OSBPL5: variants seen among roughly 807,000 people sequenced by gnomAD.
OSBPL5 encodes the protein oxysterol binding protein like 5.
Under a neutral mutation model 111.2 loss-of-function variants are expected in OSBPL5, and 71 were observed. The observed-to-expected ratio is 0.64, with a 90% CI of 0.53 to 0.78. The LOEUF is 0.78. OSBPL5 is among the 30% of genes least tolerant of loss of function. The probability of loss-of-function intolerance (pLI) is 0.00; values close to 1 mark genes in which losing one functional copy is unlikely to be tolerated. For missense variants in OSBPL5, 1,210 were observed against 1,189.3 expected, an observed-to-expected ratio of 1.02 and a Z score of -0.26; for synonymous variants, 549 against 513.9, an observed-to-expected ratio of 1.07 and a Z score of -0.93.
intron 4 of OSBPL5, 79 bp downstream of exon 4, chr11:3,122,269 G>C (rs1463733387): frequency 3.4e-6 from 5 of 1,472,966 alleles, no homozygotes; most frequent in Non-Finnish European, 4.7e-6. Context: ...TTTGACAGGT[G>C]GGGAGGGTGA....
At position 3,092,830 on chromosome 11, in the gene OSBPL5, C is replaced by A; in HGVS notation, c.2132+37G>T. 6.7e-7 allele frequency: 1 copy of A among 1,498,750 alleles called. No homozygotes were observed. The highest frequency in any genetic ancestry group is 9.0e-7 in the Non-Finnish European group (1 of 1,115,242). The allele number at this position is 1,498,750 out of a possible 1,614,324, so 92.8% of individuals were successfully genotyped here. Reference sequence around the variant, plus strand: ...TCTCAGCCCGTCTGCTAGGCCCAGCCCCACCCTGTGGCCCCCAGGGCTTTG... The same window carrying A: ...TCTCAGCCCGTCTGCTAGGCCCAGCACCACCCTGTGGCCCCCAGGGCTTTG... On this transcript the variant is annotated intron_variant, in intron 18 of 21. Transcript: ENST00000263650. This position sits in a 1 kb window ranked among gnomAD's most constrained non-coding sequence, Gnocchi z 5.4.
At position 3,121,734 on chromosome 11, in the gene OSBPL5, T is replaced by A; in HGVS notation, c.402+263A>T. ...GGCCCCACCTTATTCGGAAATGGGG[T>A]CTTTGCAGACATAATCAGGTGAAGA... On this transcript the variant is annotated intron_variant, in intron 5 of 21. Transcript: ENST00000263650. This position sits in a 1 kb window ranked among gnomAD's most constrained non-coding sequence, Gnocchi z 4.3. The A allele has an allele frequency of 4.1e-6, 2 of 483,212 alleles. No individual in the cohort carries two copies. Among genetic ancestry groups the A allele is most frequent in the Non-Finnish European group, 3.7e-6 (1 of 269,678 alleles). The allele number at this position is 483,212 out of a possible 1,614,324, so 29.9% of individuals were successfully genotyped here. A position where few individuals can be genotyped will look rare whatever the true frequency, so the allele number is the denominator to read the frequency against.
rs1437004419 is a variant in OSBPL5 at position 3,142,841 on chromosome 11, C to G, written c.-21-13672G>C. Among the ~76,000 whole-genome samples, 1 of 151,936 alleles carries G rather than the reference C, an allele frequency of 6.6e-6. No individual in the cohort carries two copies. The highest frequency in any genetic ancestry group is 1.5e-5 in the Non-Finnish European group (1 of 67,990). ...GTAGAAGGGCAGTGACTGCCCACTC[C>G]TTGCACACAAGGAAACAGTGAGACC... is the stretch of plus-strand genomic sequence containing the variant. On this transcript the variant is annotated intron_variant, in intron 1 of 21. Coordinates refer to ENST00000263650, the MANE Select transcript of OSBPL5 (RefSeq NM_020896.4). The surrounding 1 kb of genome is among the most constrained non-coding windows in gnomAD (Gnocchi z 7.1).
At chr11:3,138,129 G>A (rs1447808250) in intron 1 of OSBPL5, among the ~76,000 whole-genome samples, 6 of 152,168 alleles carry the variant, frequency 3.9e-5, no homozygotes, top group Admixed American at 3.9e-4. Context: ...AGGCCAGCCC[G>A]TCCCCGGCCC....
chr11:3,107,844 G>A lies in OSBPL5; in HGVS notation c.793C>T (p.Pro265Ser), dbSNP rs747536667. The A allele has an allele frequency of 9.9e-6, 16 of 1,611,492 alleles. No individual in the cohort carries two copies. The highest frequency in any genetic ancestry group is 1.4e-5 in the Non-Finnish European group (16 of 1,179,954). ...PGRDGEPGTS[P>S]DASPSSLCGL... ...CAGAGCGATGAGGGTGATGCGTCTG[G>A]CGAGGTCCCTGGCTCCCCGTCTCGG... The change falls in exon 8 of 22, where the codon CCA (proline) becomes TCA (serine). Residue 265 changes from proline (P) to serine (S), a missense_variant. By Grantham distance (74) the Pro-to-Ser change is moderately conservative. Coordinates refer to ENST00000263650, the MANE Select transcript of OSBPL5 (RefSeq NM_020896.4). This position sits in a 1 kb window ranked among gnomAD's most constrained non-coding sequence, Gnocchi z 6.1.
Position 3,107,635 on chromosome 11 carries a change from A to G in OSBPL5, c.866+136T>C, listed in dbSNP as rs1374382076. 14 of 1,382,146 alleles carry G rather than the reference A, an allele frequency of 1.0e-5. No individual in the cohort carries two copies. The highest frequency in any genetic ancestry group is 1.9e-5 in the Admixed American group (1 of 52,146). The allele number at this position is 1,382,146 out of a possible 1,614,324, so 85.6% of individuals were successfully genotyped here. Reference sequence around the variant, plus strand: ...AGGAAGGAACCGAGGCTCCCAGGGCACACTGCAGCGAACAAGTCCCTGCGT... The same window carrying G: ...AGGAAGGAACCGAGGCTCCCAGGGCGCACTGCAGCGAACAAGTCCCTGCGT... On this transcript the variant is annotated intron_variant, in intron 8 of 21. Coordinates refer to ENST00000263650, the MANE Select transcript of OSBPL5 (RefSeq NM_020896.4). The surrounding 1 kb of genome is among the most constrained non-coding windows in gnomAD (Gnocchi z 6.1).
chr11:3,109,291 G>C lies in OSBPL5; in HGVS notation c.692-1346C>G, dbSNP rs544387359. 1.1e-4 allele frequency among the ~76,000 whole-genome samples: 16 copies of C among 151,890 alleles called. No individual in the cohort carries two copies. In the South Asian group the frequency reaches 2.9e-3, roughly 28 times the overall value. ...GATGGGGTTTCACCATGTTGGCCAGGCTGGTCTCAACCTCTGGGCCTCAAG... is the reference window on the plus strand; with the variant it reads ...GATGGGGTTTCACCATGTTGGCCAGCCTGGTCTCAACCTCTGGGCCTCAAG... On this transcript the variant is annotated intron_variant, in intron 7 of 21. Coordinates refer to ENST00000263650, the MANE Select transcript of OSBPL5 (RefSeq NM_020896.4). The surrounding 1 kb of genome is among the most constrained non-coding windows in gnomAD (Gnocchi z 7.4).
rs1393109677 is a variant in OSBPL5, at chr11:3,093,563, A to G, written c.1910T>C (p.Val637Ala). Residue 637 changes from valine to alanine, a missense_variant, in exon 17 of 22, where the codon GTG becomes GCG. Physicochemically the swap from Val to Ala is moderately conservative, Grantham distance 64. Transcript: ENST00000263650. ...VRRQRLRQHT[V>A]PLEEQTELES... ...CAGCTCCGTCTGCTCCTCCAGCGGC[A>G]CCGTGTGCTGCCTCAGCCTCTGTCT... is the stretch of plus-strand genomic sequence containing the variant. 6.2e-7 allele frequency: 1 copy of G among 1,611,614 alleles called. No individual in the cohort carries two copies. The highest frequency in any genetic ancestry group is 8.5e-7 in the Non-Finnish European group (1 of 1,179,932).
Position 3,123,108 on chromosome 11 carries a change from G to A in OSBPL5, c.220-680C>T, listed in dbSNP as rs141174179. Among the ~76,000 whole-genome samples, 161 of 152,270 alleles carry A rather than the reference G, an allele frequency of 1.1e-3. 3 individuals are homozygous for A. Among genetic ancestry groups the A allele is most frequent in the East Asian group, 0.01 (53 of 5,174 alleles). On this transcript the variant is annotated intron_variant, in intron 3 of 21. Coordinates refer to ENST00000263650, the MANE Select transcript of OSBPL5 (RefSeq NM_020896.4). Reference sequence around the variant, plus strand: ...TGGGCAGAGGTCACTGTCCAGGTCCGAACCTGACCCCAGCATGTGGCTGAC... The same window carrying A: ...TGGGCAGAGGTCACTGTCCAGGTCCAAACCTGACCCCAGCATGTGGCTGAC...
rs1455903902 is a variant in OSBPL5 at position 3,090,035 on chromosome 11, G to A, written c.2399-87C>T. 2.8e-6 allele frequency: 3 copies of A among 1,068,652 alleles called. No individual in the cohort carries two copies. In the African/African-American group the frequency reaches 4.8e-5, roughly 17 times the overall value. The allele number at this position is 1,068,652 out of a possible 1,614,324, so 66.2% of individuals were successfully genotyped here. A position where few individuals can be genotyped will look rare whatever the true frequency, so the allele number is the denominator to read the frequency against. On this transcript the variant is annotated intron_variant, in intron 20 of 21. Transcript: ENST00000263650. ...CAGTGGGGCTGGCACGTGGGTCACAGGGTCATATCCAGCTCGGGCCTCCAC... is the reference window on the plus strand; with the variant it reads ...CAGTGGGGCTGGCACGTGGGTCACAAGGTCATATCCAGCTCGGGCCTCCAC...
rs553503126 is a variant in OSBPL5 at position 3,087,318 on chromosome 11, G to A, written c.*887C>T. On this transcript the variant is annotated 3_prime_UTR_variant, in exon 22 of 22. Transcript: ENST00000263650. ...GGCTCACACACGCGCACACGCACAC[G>A]CAGAGCGGCACTGACACGGGGACTG... The A allele has an allele frequency of 9.1e-4, 141 of 154,626 alleles. No individual in the cohort carries two copies. Among genetic ancestry groups the A allele is most frequent in the Admixed American group, 1.5e-3 (23 of 15,312 alleles). 9.6% of individuals were successfully genotyped at this position (154,626 alleles called of 1,614,324 possible). A position where few individuals can be genotyped will look rare whatever the true frequency, so the allele number is the denominator to read the frequency against.
intron 14 of OSBPL5, 68 bp from the exon 15 acceptor site, chr11:3,094,402 C>A: frequency 7.8e-7 from 1 of 1,279,012 alleles, no homozygotes; most frequent in Non-Finnish European, 1.1e-6. Flanking sequence ...CTGCTGAGTA[C>A]CGACCCAGCA....
At chr11:3,153,148 T>C (rs921793313) in intron 1 of OSBPL5, among the ~76,000 whole-genome samples, 5 of 151,978 alleles carry the variant, frequency 3.3e-5, no homozygotes, top group African/African-American at 1.2e-4. Context: ...TAGCGGTGGG[T>C]GACTCTGGGC....
chr11:3,128,509 T>G (rs1054484835), intron 2 of OSBPL5, among the ~76,000 whole-genome samples: 5 of 152,210 alleles, frequency 3.3e-5, no homozygotes, highest in Non-Finnish European at 7.4e-5. Context: ...GTCTGTGTGC[T>G]GGGTGCTTTA....
intron 21 of OSBPL5, 123 bp from the exon 22 acceptor site, chr11:3,088,466 G>A: frequency 8.6e-7 from 1 of 1,161,964 alleles, no homozygotes; most frequent in African/African-American, 1.6e-5. Flanking sequence ...GTGGAGATGG[G>A]ATGGCCCTCC....
chr11:3,158,414 C>T (rs1455655288), intron 1 of OSBPL5, among the ~76,000 whole-genome samples: 1 of 152,250 alleles, frequency 6.6e-6, no homozygotes, highest in African/African-American at 2.4e-5. Context: ...TTGGTGCCCA[C>T]ACTGGCACCT....
At position 3,088,296 on chromosome 11, in the gene OSBPL5, G is replaced by C. The variant is rs546408517; in HGVS notation, c.2549C>G (p.Pro850Arg). The change falls in exon 22 of 22, where the codon CCG becomes CGG. Residue 850 changes from proline to arginine, a missense_variant. By Grantham distance (103) the Pro-to-Arg change is moderately radical. Transcript: ENST00000263650. The part of the protein sequence containing the change: ...LSSTARAAQA[P>R]TPGLLQSPRS... ...GGGGCTCTGCAGGAGGCCTGGGGTC[G>C]GTGCCTGTGCTGCCCGTGCCGTGGA... The C allele has an allele frequency of 1.9e-6, 3 of 1,606,460 alleles. No homozygotes were observed. Among genetic ancestry groups the C allele is most frequent in the South Asian group, 1.1e-5 (1 of 89,970 alleles).
rs1857629136 is a variant in OSBPL5, at chr11:3,104,463, G to A, written c.1060-86C>T. On this transcript the variant is annotated intron_variant, in intron 9 of 21. Coordinates refer to ENST00000263650, the MANE Select transcript of OSBPL5 (RefSeq NM_020896.4). This position sits in a 1 kb window ranked among gnomAD's most constrained non-coding sequence, Gnocchi z 5.0. Reference sequence around the variant, plus strand: ...GACAGTGGCAGCTCTGGCTGGAGGAGGCTGTACCTGCCACCCCTTAGGGTG... The same window carrying A: ...GACAGTGGCAGCTCTGGCTGGAGGAAGCTGTACCTGCCACCCCTTAGGGTG... 3 of 1,448,154 alleles carry A rather than the reference G, an allele frequency of 2.1e-6. No homozygotes were observed. The highest frequency in any genetic ancestry group is 2.2e-5 in the Admixed American group (1 of 46,278). 89.7% of individuals were successfully genotyped at this position (1,448,154 alleles called of 1,614,324 possible).
chr11:3,152,609 A>C (rs774330346), intron 1 of OSBPL5, among the ~76,000 whole-genome samples: 1 of 152,174 alleles, frequency 6.6e-6, no homozygotes, highest in Non-Finnish European at 1.5e-5. Context: ...GCGAGGCGCG[A>C]TGGGCTCGGG....
Sources: allele counts gnomAD v4.1 joint callset (sites outside exome capture counted in the v4.1 genomes callset), GRCh38; gene constraint gnomAD v4.1.1; non-coding constraint Gnocchi (gnomAD v3.1); transcripts MANE v1.5; gene names NCBI Gene and HGNC (gene_info 2026-07-23, HGNC 2026-07-21).